ELK3: variants seen among roughly 807,000 people sequenced by gnomAD.
ELK3 encodes ETS domain-containing protein Elk-3.
ELK3 carries 10 observed loss-of-function variants against 28.9 expected under a neutral mutation model. That is an observed-to-expected ratio of 0.35 (90% confidence interval 0.21 to 0.59). The LOEUF (loss-of-function observed/expected upper bound fraction) is 0.59, where lower values mean the gene tolerates loss of function less well. ELK3 is among the 20% of genes least tolerant of loss of function. The probability of loss-of-function intolerance (pLI) is 0.82; values close to 1 mark genes in which losing one functional copy is unlikely to be tolerated. For synonymous variants in ELK3, 272 were observed against 243.5 expected, an observed-to-expected ratio of 1.12 and a Z score of -1.09; for missense variants, 463 against 517.3, an observed-to-expected ratio of 0.90 and a Z score of 1.02.
Position 96,267,321 on chromosome 12 carries a change from T to A in ELK3, c.*141T>A. 1 of 623,998 alleles carries A rather than the reference T, an allele frequency of 1.6e-6. No homozygotes were observed. The allele number at this position is 623,998 out of a possible 1,614,324, so 38.7% of individuals were successfully genotyped here. ...CTTTTCATAACATGGATAGTCTAGA[T>A]TTATGTTAGCATTTTAAAAACTGTT... On this transcript the variant is annotated 3_prime_UTR_variant, in exon 5 of 5. Transcript: ENST00000228741.
chr12:96,210,948 G>T (rs1951574090), intron 1 of ELK3, among the ~76,000 whole-genome samples: 2 of 152,176 alleles, frequency 1.3e-5, no homozygotes, highest in Admixed American at 1.3e-4. Flanking sequence ...GAGAAAAGAA[G>T]CCTCTACTGG....
chr12:96,261,040 G>C (rs1951989288), intron 4 of ELK3, among the ~76,000 whole-genome samples: 1 of 152,202 alleles, frequency 6.6e-6, no homozygotes, highest in Admixed American at 6.5e-5. Flanking sequence ...TTCACAAAGA[G>C]AAGTCTGAGA....
At chr12:96,260,268 G>T (rs758090687) in intron 4 of ELK3, among the ~76,000 whole-genome samples, 2 of 152,028 alleles carry the variant, frequency 1.3e-5, no homozygotes, top group Non-Finnish European at 2.9e-5. Flanking sequence ...AACACAGCAA[G>T]ACCCCATCTA....
intron 3 of ELK3, among the ~76,000 whole-genome samples, chr12:96,257,545 T>TCA (rs1951959851): frequency 6.6e-6 from 1 of 152,218 alleles, no homozygotes; most frequent in Non-Finnish European, 1.5e-5. Flanking sequence ...GGGCATATGA[T>TCA]GGCCATGGAG....
chr12:96,212,990 C>T (rs1238111167), intron 1 of ELK3: 2 of 152,178 alleles, frequency 1.3e-5, no homozygotes, highest in Non-Finnish European at 1.5e-5. Context: ...TGATTCATTA[C>T]ACACCTTTTA....
chr12:96,223,629 G>A lies in ELK3; in HGVS notation c.63G>A (p.Glu21=), dbSNP rs1365583985. The A allele has an allele frequency of 5.6e-6, 9 of 1,614,150 alleles. No individual in the cohort carries two copies. The highest frequency in any genetic ancestry group is 2.2e-5 in the East Asian group (1 of 44,884). The part of the protein sequence containing the change: ...LLQLLLDQKH[E]HLICWTSNDG... ...AGTTGCTGCTGGATCAGAAACATGA[G>A]CATTTGATCTGCTGGACCTCGAACG... Residue 21 remains glutamate (E), a synonymous_variant, in exon 2 of 5, where the codon GAG becomes GAA. Transcript: ENST00000228741.
intron 2 of ELK3, among the ~76,000 whole-genome samples, chr12:96,230,903 G>C (rs1248655001): frequency 6.6e-6 from 1 of 152,174 alleles, no homozygotes; most frequent in Non-Finnish European, 1.5e-5. Flanking sequence ...TTTTGTAGAG[G>C]CTGCGGGGCA....
At chr12:96,210,597 A>ACACACACACCCCCCC (rs1416746905) in intron 1 of ELK3, among the ~76,000 whole-genome samples, 1 of 148,958 alleles carries the variant, frequency 6.7e-6, no homozygotes, top group Admixed American at 6.7e-5. Context: ...ACACACACAC[A>ACACACACACCCCCCC]CCCCGAGTGG....
At chr12:96,246,124 T>C (rs1478538365) in intron 2 of ELK3, among the ~76,000 whole-genome samples, 2 of 152,232 alleles carry the variant, frequency 1.3e-5, no homozygotes, top group Non-Finnish European at 2.9e-5. Context: ...ACAGAATGCT[T>C]TCTCATTATT....
Position 96,247,503 on chromosome 12 carries a change from A to G in ELK3, c.771A>G (p.Arg257=), listed in dbSNP as rs111679503. ...SPNSPLPSEH[R]SLFLEAACHD... is the part of the protein sequence containing the mutation. The stretch of plus-strand genomic sequence containing the variant: ...ACTCACCCCTCCCTTCTGAACACAG[A>G]AGCCTCTTCCTGGAGGCCGCCTGCC... Residue 257 remains arginine, a synonymous_variant, in exon 3 of 5, where the codon AGA becomes AGG. Coordinates refer to ENST00000228741, the MANE Select transcript of ELK3 (RefSeq NM_005230.4). The surrounding 1 kb of genome is among the most constrained non-coding windows in gnomAD (Gnocchi z 5.5). 6.2e-7 allele frequency: 1 copy of G among 1,613,902 alleles called. No individual in the cohort carries two copies. The highest frequency in any genetic ancestry group is 8.5e-7 in the Non-Finnish European group (1 of 1,179,990).
intron 1 of ELK3, among the ~76,000 whole-genome samples, chr12:96,213,552 G>A (rs563926374): frequency 2.2e-4 from 33 of 152,238 alleles, no homozygotes; most frequent in African/African-American, 7.5e-4. Flanking sequence ...TGTTAACGAA[G>A]CCATCATTTA....
intron 2 of ELK3, among the ~76,000 whole-genome samples, chr12:96,234,249 G>C (rs1005584485): frequency 2.6e-5 from 4 of 152,194 alleles, no homozygotes; most frequent in African/African-American, 9.7e-5. Context: ...ACAGGGATGA[G>C]CCAGAGGCCC....
At chr12:96,216,033 C>G (rs1200380320) in intron 1 of ELK3, among the ~76,000 whole-genome samples, 2 of 152,178 alleles carry the variant, frequency 1.3e-5, no homozygotes, top group African/African-American at 2.4e-5. Context: ...TGTCCCTCCC[C>G]TCTGTGCCAG....
At position 96,231,952 on chromosome 12, in the gene ELK3, G is replaced by A. The variant is rs149703402; in HGVS notation, c.207+8179G>A. 7.1e-3 allele frequency among the ~76,000 whole-genome samples: 1,086 copies of A among 152,296 alleles called. 9 individuals carry two copies. The highest frequency in any genetic ancestry group is 0.024 in the African/African-American group (1,003 of 41,548). ...GAAACCAATTTTAGTAGAGAACCCC[G>A]TGTAAAGTGCTGGCATGGCCAATGC... On this transcript the variant is annotated intron_variant, in intron 2 of 4. Coordinates refer to ENST00000228741, the MANE Select transcript of ELK3 (RefSeq NM_005230.4).
chr12:96,261,760 G>T (rs944599205), intron 4 of ELK3, among the ~76,000 whole-genome samples: 16 of 152,132 alleles, frequency 1.1e-4, no homozygotes, highest in African/African-American at 3.9e-4. Flanking sequence ...CCTTGTCTTA[G>T]ATACCTTTTC....
chr12:96,220,533 G>A (rs563880071), intron 1 of ELK3, among the ~76,000 whole-genome samples: 8 of 151,986 alleles, frequency 5.3e-5, no homozygotes, highest in South Asian at 2.1e-4. Context: ...GATTATAAGC[G>A]CGGGCCACCA....
intron 1 of ELK3, among the ~76,000 whole-genome samples, chr12:96,218,649 T>A (rs1050621801): frequency 3.0e-5 from 2 of 67,172 alleles, no homozygotes; most frequent in Admixed American, 1.5e-4. Context: ...AAGATAAGCA[T>A]TTTTTTTTTT....
intron 4 of ELK3, among the ~76,000 whole-genome samples, chr12:96,262,976 A>C (rs1952004992): frequency 6.6e-6 from 1 of 152,158 alleles, no homozygotes; most frequent in Non-Finnish European, 1.5e-5. Context: ...TGATGAAAAT[A>C]ATTTTCTTTC....
chr12:96,260,813 G>A (rs1951987541), intron 4 of ELK3, among the ~76,000 whole-genome samples: 1 of 152,220 alleles, frequency 6.6e-6, no homozygotes, highest in African/African-American at 2.4e-5. Context: ...GTGCCCCACA[G>A]TGTGGCTTAC....
Sources: gnomAD v4.1 joint callset for allele counts (sites outside exome capture counted in the v4.1 genomes callset) on GRCh38, gnomAD v4.1.1 for gene constraint, Gnocchi (gnomAD v3.1) non-coding constraint, MANE v1.5 for transcripts, NCBI Gene and HGNC (gene_info 2026-07-23, HGNC 2026-07-21) for gene names.